The following EDARADD variants were observed in gnomAD, a reference collection of about 807,000 sequenced individuals.
EDARADD encodes the protein EDAR associated via death domain.
A neutral mutation model predicts 25.6 loss-of-function variants in EDARADD; 20 were observed. The observed-to-expected ratio is 0.78, with a 90% CI of 0.55 to 1.14. The LOEUF (loss-of-function observed/expected upper bound fraction) is 1.14, where lower values mean the gene tolerates loss of function less well. EDARADD is among the 50% of genes most tolerant of loss of function. The probability of loss-of-function intolerance (pLI) is 0.00; values close to 1 mark genes in which losing one functional copy is unlikely to be tolerated. For missense variants in EDARADD, 225 were observed against 270.1 expected (o/e 0.83, Z 1.17); for synonymous variants, 86 against 94.4 (o/e 0.91, Z 0.52).
At chr1:236,475,793 A>C (rs1012838286) in intron 5 of EDARADD, among the ~76,000 whole-genome samples, 4 of 151,966 alleles carry the variant, frequency 2.6e-5, no homozygotes, top group East Asian at 3.9e-4. Flanking sequence ...CACACACACA[A>C]AAAAACTTTA....
At position 236,404,458 on chromosome 1, in the gene EDARADD, G is replaced by T. The variant is rs1302256338; in HGVS notation, c.62-4758G>T. Among the ~76,000 whole-genome samples, 4 of 152,276 alleles carry T rather than the reference G, an allele frequency of 2.6e-5. No individual in the cohort carries two copies. The East Asian group carries it at 7.7e-4, about 29-fold the overall frequency. On this transcript the variant is annotated intron_variant, in intron 1 of 5. Coordinates refer to ENST00000334232, the MANE Select transcript of EDARADD (RefSeq NM_145861.4). ...AGGTGCAGTTTCAGATACAGTGCAT[G>T]GGCGCCACCGTGGGCCTGGGTCAAT...
intron 2 of EDARADD, among the ~76,000 whole-genome samples, chr1:236,412,109 C>G (rs975738866): frequency 6.6e-6 from 1 of 152,166 alleles, no homozygotes; most frequent in African/African-American, 2.4e-5. Context: ...CACTGCTCAC[C>G]TGCTGACCCA....
intron 3 of EDARADD, among the ~76,000 whole-genome samples, chr1:236,382,745 A>G (rs80084863): frequency 0.018 from 2,692 of 152,230 alleles, 75 homozygotes; most frequent in African/African-American, 0.062. Flanking sequence ...TGTGTACTCT[A>G]CCAAATGCTC....
At chr1:236,404,508 T>G (rs902310232) in intron 1 of EDARADD, among the ~76,000 whole-genome samples, 1 of 152,176 alleles carries the variant, frequency 6.6e-6, no homozygotes, top group Non-Finnish European at 1.5e-5. Flanking sequence ...GTAACATGTA[T>G]GTAAGAACTT....
intron 1 of EDARADD, among the ~76,000 whole-genome samples, chr1:236,399,770 C>T (rs753456613): frequency 2.0e-5 from 3 of 152,234 alleles, no homozygotes; most frequent in South Asian, 2.1e-4. Flanking sequence ...TTCCTTGCTT[C>T]GTTGCAGTAA....
chr1:236,357,431 C>G (rs1277738917), intron 3 of EDARADD, among the ~76,000 whole-genome samples: 1 of 152,114 alleles, frequency 6.6e-6, no homozygotes, highest in Non-Finnish European at 1.5e-5. Context: ...AGTTATCTTT[C>G]AGTTGTTCTG....
At chr1:236,355,502 T>A (rs1666963862) in intron 3 of EDARADD, among the ~76,000 whole-genome samples, 1 of 63,672 alleles carries the variant, frequency 1.6e-5, no homozygotes. Context: ...TTCTTCTTCT[T>A]TTTTTTTTTT....
intron 3 of EDARADD, among the ~76,000 whole-genome samples, chr1:236,417,579 G>T (rs1427104690): frequency 6.6e-6 from 1 of 152,102 alleles, no homozygotes; most frequent in Admixed American, 6.6e-5. Context: ...ACAGTTTTTG[G>T]GGGTTCATTT....
At chr1:236,396,410 A>G (rs1667516280) in intron 1 of EDARADD, among the ~76,000 whole-genome samples, 1 of 152,222 alleles carries the variant, frequency 6.6e-6, no homozygotes, top group Non-Finnish European at 1.5e-5. Flanking sequence ...TGAATGATCT[A>G]TCCCTCAGAG....
chr1:236,434,482 C>G (rs577730555), intron 4 of EDARADD, among the ~76,000 whole-genome samples: 1 of 152,176 alleles, frequency 6.6e-6, no homozygotes, highest in African/African-American at 2.4e-5. Flanking sequence ...TCAAGCGATC[C>G]ACCCGCCTCA....
chr1:236,455,310 C>T (rs1260456769), intron 4 of EDARADD, among the ~76,000 whole-genome samples: 1 of 152,140 alleles, frequency 6.6e-6, no homozygotes, highest in East Asian at 1.9e-4. Context: ...TCTCTGCAGA[C>T]CCGAAGTCAT....
intron 4 of EDARADD, among the ~76,000 whole-genome samples, chr1:236,433,819 G>C (rs190061168): frequency 2.0e-5 from 3 of 150,728 alleles, no homozygotes; most frequent in African/African-American, 7.3e-5. Context: ...GTGGTAAGCC[G>C]ATATCGCACC....
intron 5 of EDARADD, among the ~76,000 whole-genome samples, chr1:236,475,571 T>A (rs1209295839): frequency 6.6e-6 from 1 of 152,114 alleles, no homozygotes; most frequent in Non-Finnish European, 1.5e-5. Context: ...GAGATCAGCC[T>A]GGCCAACATG....
chr1:236,416,299 G>A (rs776712694), intron 3 of EDARADD, among the ~76,000 whole-genome samples: 4 of 152,154 alleles, frequency 2.6e-5, no homozygotes, highest in Admixed American at 1.3e-4. Flanking sequence ...AAATCCAGCC[G>A]AAGAAGTGTG....
intron 4 of EDARADD, among the ~76,000 whole-genome samples, chr1:236,448,921 C>T (rs1362167205): frequency 1.3e-5 from 2 of 152,176 alleles, no homozygotes; most frequent in African/African-American, 4.8e-5. Context: ...GTCTAGTCTG[C>T]TTGGGCTGCC....
chr1:236,411,604 A>G (rs1657486487), intron 2 of EDARADD, among the ~76,000 whole-genome samples: 2 of 150,276 alleles, frequency 1.3e-5, no homozygotes, highest in Non-Finnish European at 3.0e-5. Context: ...TGCAATATGC[A>G]ATGGCGTGAT....
At chr1:236,379,648 G>A (rs1051216916) in intron 3 of EDARADD, among the ~76,000 whole-genome samples, 3 of 151,718 alleles carry the variant, frequency 2.0e-5, no homozygotes, top group Non-Finnish European at 4.4e-5. Context: ...ATGTGGTGGC[G>A]GGCACCTGTA....
intron 3 of EDARADD, among the ~76,000 whole-genome samples, chr1:236,359,823 A>G (rs1189823683): frequency 1.3e-5 from 2 of 152,216 alleles, no homozygotes; most frequent in Non-Finnish European, 2.9e-5. Flanking sequence ...CCCACAACAC[A>G]TGGGAATTCA....
chr1:236,431,950 A>AAAAAAAAT (rs1658107614), intron 4 of EDARADD, among the ~76,000 whole-genome samples: 1 of 47,972 alleles, frequency 2.1e-5, no homozygotes, highest in Non-Finnish European at 8.8e-5. Flanking sequence ...AAAAAAAAAA[A>AAAAAAAAT]AAGACCCCAG....
Sources: gnomAD v4.1 joint callset for allele counts (sites outside exome capture counted in the v4.1 genomes callset) on GRCh38, gnomAD v4.1.1 for gene constraint, MANE v1.5 for transcripts, NCBI Gene and HGNC (gene_info 2026-07-23, HGNC 2026-07-21) for gene names.